Variants in JCAD observed in about 807,000 individuals in gnomAD.
The protein encoded by JCAD is junctional cadherin 5 associated, also known as junctional cadherin 5-associated protein.
JCAD carries 40 observed loss-of-function variants against 98.0 expected under a neutral mutation model. The observed-to-expected ratio is 0.41, with a 90% CI of 0.32 to 0.53. JCAD has a LOEUF of 0.53. JCAD is among the 20% of genes least tolerant of loss of function. The pLI is 0.31. For synonymous variants in JCAD, 691 were observed against 682.3 expected (o/e 1.01, Z -0.20); for missense variants, 1,705 against 1,738.1 (o/e 0.98, Z 0.34).
intron 2 of JCAD, among the ~76,000 whole-genome samples, chr10:30,045,700 C>A (rs372872209): frequency 6.6e-6 from 1 of 152,136 alleles, no homozygotes; most frequent in African/African-American, 2.4e-5. Flanking sequence ...TGACAGTAGT[C>A]GACAGAAGTG....
chr10:30,050,332 A>G (rs1353797698), intron 1 of JCAD, among the ~76,000 whole-genome samples: 3 of 150,954 alleles, frequency 2.0e-5, no homozygotes, highest in East Asian at 1.9e-4. Flanking sequence ...AAAAAAAAAA[A>G]AAAAAAAAAA....
At position 30,026,951 on chromosome 10, in the gene JCAD, C is replaced by T; in HGVS notation, c.3197G>A (p.Gly1066Glu). 1 of 1,614,178 alleles carries T rather than the reference C, an allele frequency of 6.2e-7. No individual in the cohort carries two copies. The highest frequency in any genetic ancestry group is 1.1e-5 in the South Asian group (1 of 91,082). The stretch of plus-strand genomic sequence containing the variant: ...TATTGTGCTTGCTTCACCCAAAGAC[C>T]CCTCTAGCTCACTGGCACCCTGTTC... ...GQEQGASELE[G>E]SLGEASTIEI... Residue 1066 changes from glycine (G) to glutamate (E), a missense_variant, in exon 3 of 4, where the codon GGG (glycine) becomes GAG (glutamate). By Grantham distance (98) the Gly-to-Glu change is moderately conservative. Around this residue, in one of 3 missense-constraint regions of JCAD, gnomAD observed 1,278 missense variants for 1,243.1 expected, o/e 1.03. Transcript: ENST00000375377.
chr10:30,053,461 T>C (rs896469528), intron 1 of JCAD, among the ~76,000 whole-genome samples: 1 of 151,318 alleles, frequency 6.6e-6, no homozygotes, highest in Non-Finnish European at 1.5e-5. Flanking sequence ...CCTAGTAGGC[T>C]GAGGTGGGAG....
At chr10:30,024,665 G>C (rs1327428168) in intron 3 of JCAD, among the ~76,000 whole-genome samples, 2 of 151,640 alleles carry the variant, frequency 1.3e-5, no homozygotes, top group Non-Finnish European at 2.9e-5. Flanking sequence ...GTATTTGGGG[G>C]AAACTTGAGA....
chr10:30,089,349 C>T (rs766919426), intron 1 of JCAD, among the ~76,000 whole-genome samples: 1 of 152,128 alleles, frequency 6.6e-6, no homozygotes, highest in Non-Finnish European at 1.5e-5. Context: ...GGCAGAGGCT[C>T]GGAGAAGAGC....
chr10:30,059,554 C>T lies in JCAD; in HGVS notation c.-132G>A, dbSNP rs1837660650. 1 of 146,846 alleles carries T rather than the reference C, an allele frequency of 6.8e-6. No individual in the cohort carries two copies. The highest frequency in any genetic ancestry group is 1.5e-5 in the Non-Finnish European group (1 of 67,290). The allele number at this position is 146,846 out of a possible 1,614,324, so 9.1% of individuals were successfully genotyped here. A position where few individuals can be genotyped will look rare whatever the true frequency, so the allele number is the denominator to read the frequency against. ...GCCGGCCGGGGACCAGCGCGACCCG[C>T]CCCGCCTGCAGCCGCCGAGGCCGAG... is the stretch of plus-strand genomic sequence containing the variant. On this transcript the variant is annotated 5_prime_UTR_variant, in exon 1 of 4. Coordinates refer to ENST00000375377, the MANE Select transcript of JCAD (RefSeq NM_020848.4). The surrounding 1 kb of genome is among the most constrained non-coding windows in gnomAD (Gnocchi z 5.0).
At position 30,051,823 on chromosome 10, in the gene JCAD, GAGA is replaced by G. The variant is rs1347356017; in HGVS notation, c.-59-3955_-59-3953del. ...AAGGAATAATAAGAGTAATTTTCAG[GAGA>G]AGAAGTACAATGGATTTTAGCCTCA... On this transcript the variant is annotated intron_variant, in intron 1 of 3. Coordinates refer to ENST00000375377, the MANE Select transcript of JCAD (RefSeq NM_020848.4). Among the ~76,000 whole-genome samples, 5 of 152,300 alleles carry G rather than the reference GAGA, an allele frequency of 3.3e-5. No individual in the cohort carries two copies. In the East Asian group the frequency reaches 7.7e-4, roughly 23 times the overall value.
At chr10:30,041,411 T>C (rs965252712) in intron 2 of JCAD, among the ~76,000 whole-genome samples, 7 of 152,188 alleles carry the variant, frequency 4.6e-5, no homozygotes, top group African/African-American at 1.7e-4. Context: ...AAGAGGAACA[T>C]AGAAACAGAT....
intron 1 of JCAD, among the ~76,000 whole-genome samples, chr10:30,054,381 T>C (rs1837526246): frequency 1.3e-5 from 2 of 152,140 alleles, no homozygotes; most frequent in South Asian, 4.1e-4. Flanking sequence ...TCCAATCATA[T>C]GAAATTGTCA....
chr10:30,050,942 A>T (rs1837454719), intron 1 of JCAD, among the ~76,000 whole-genome samples: 1 of 152,220 alleles, frequency 6.6e-6, no homozygotes, highest in Non-Finnish European at 1.5e-5. Flanking sequence ...CTCGACGTAG[A>T]CAGGAATGTT....
intron 1 of JCAD, among the ~76,000 whole-genome samples, chr10:30,100,223 G>A (rs1254688477): frequency 2.0e-5 from 3 of 151,920 alleles, no homozygotes; most frequent in Non-Finnish European, 4.4e-5. Context: ...TTTCTTTTAC[G>A]GCACTGAAAC....
chr10:30,060,677 C>A (rs1295384478), upstream of JCAD, among the ~76,000 whole-genome samples: 1 of 152,116 alleles, frequency 6.6e-6, no homozygotes, highest in Non-Finnish European at 1.5e-5. Context: ...GTCGAAACAC[C>A]AATAACTAAC....
At chr10:30,100,069 C>T (rs575390831) in intron 1 of JCAD, among the ~76,000 whole-genome samples, 19 of 151,826 alleles carry the variant, frequency 1.3e-4, no homozygotes, top group African/African-American at 4.4e-4. Flanking sequence ...GCAGCAGGGG[C>T]CATGTGTGTC....
rs1374460385 is a variant in JCAD, at chr10:30,059,025, G to T, written c.-60+457C>A. On this transcript the variant is annotated intron_variant, in intron 1 of 3. Transcript: ENST00000375377. The surrounding 1 kb of genome is among the most constrained non-coding windows in gnomAD (Gnocchi z 5.0). ...CCCAGCGCGGCGGCTGTCAGCTCTG[G>T]GGTGAGGTCCGCGAGATCTGGGCGC... Among the ~76,000 whole-genome samples the T allele has an allele frequency of 2.0e-5, 3 of 152,236 alleles. No homozygotes were observed. The East Asian group carries it at 5.8e-4, about 30-fold the overall frequency.
At chr10:30,062,360 C>A (rs888309082), upstream of JCAD, among the ~76,000 whole-genome samples, 1 of 152,104 alleles carries the variant, frequency 6.6e-6, no homozygotes, top group Non-Finnish European at 1.5e-5. Flanking sequence ...GTATCCCTAG[C>A]CCTGCTCTAA....
chr10:30,064,877 G>A (rs988522076), intron 2 of JCAD, among the ~76,000 whole-genome samples: 2 of 152,140 alleles, frequency 1.3e-5, no homozygotes, highest in African/African-American at 4.8e-5. Flanking sequence ...TCACCATGTT[G>A]GTCAGGCTGG....
intron 1 of JCAD, among the ~76,000 whole-genome samples, chr10:30,048,618 T>G (rs1353701142): frequency 6.6e-6 from 1 of 151,954 alleles, no homozygotes; most frequent in Non-Finnish European, 1.5e-5. Flanking sequence ...CAGGCTGGAG[T>G]GCAGTGGCAT....
At chr10:30,057,597 C>G (rs1465828054) in intron 1 of JCAD, among the ~76,000 whole-genome samples, 1 of 152,186 alleles carries the variant, frequency 6.6e-6, no homozygotes, top group Non-Finnish European at 1.5e-5. Context: ...TCCACCCACC[C>G]AAATCCCCTA....
In JCAD at chr10:30,027,200, C is replaced by A. The variant is rs766331019; in HGVS notation, c.2948G>T (p.Ser983Ile). 2.5e-6 allele frequency: 4 copies of A among 1,614,090 alleles called. No homozygotes were observed. In the South Asian group the frequency reaches 3.3e-5, roughly 13 times the overall value. ...FPVTRMSSRSSDAKPLPASYP... is the reference protein window; with the variant it reads ...FPVTRMSSRSIDAKPLPASYP... ...GGACGCGGGCAGTGGTTTTGCGTCA[C>A]TTGATCTTGAAGACATTCTCGTCAC... The change falls in exon 3 of 4, where the codon AGT (serine) becomes ATT (isoleucine). Residue 983 changes from serine to isoleucine, a missense_variant. By Grantham distance (142) the Ser-to-Ile change is moderately radical (BLOSUM62 -2). Transcript: ENST00000375377.
Sources: allele counts gnomAD v4.1 joint callset (sites outside exome capture counted in the v4.1 genomes callset), GRCh38; gene constraint gnomAD v4.1.1; regional missense constraint gnomAD v4.1.1; non-coding constraint Gnocchi (gnomAD v3.1); transcripts MANE v1.5; gene names NCBI Gene and HGNC (gene_info 2026-07-23, HGNC 2026-07-21).